The following FEM1C variants were observed in gnomAD, a reference collection of about 807,000 sequenced individuals.
FEM1C encodes fem-1 homolog C.
In FEM1C, 15 loss-of-function variants were observed where a neutral mutation model predicts 37.6. The ratio of observed to expected loss-of-function variants is 0.40; its 90% CI spans 0.27 to 0.61. The LOEUF is 0.61. FEM1C is among the 20% of genes least tolerant of loss of function. FEM1C has a pLI of 0.42. For synonymous variants in FEM1C, 287 were observed against 272.8 expected (o/e 1.05, Z -0.51); for missense variants, 532 against 749.7 (o/e 0.71, Z 3.39).
intron 1 of FEM1C, chr5:115,544,271 G>T: frequency 1.6e-6 from 1 of 613,948 alleles, no homozygotes; most frequent in Non-Finnish European, 1.9e-6. Flanking sequence ...CCCACCCCCC[G>T]CCAAGGGATG....
At chr5:115,544,414 G>A (rs1021464826) in intron 1 of FEM1C, 109 bp downstream of exon 1, 5 of 154,814 alleles carry the variant, frequency 3.2e-5, no homozygotes, top group Non-Finnish European at 7.1e-5. Context: ...GTGGCCTCCA[G>A]CCCGCTGCCC....
chr5:115,539,384 T>C (rs975328767), intron 2 of FEM1C, among the ~76,000 whole-genome samples: 1 of 152,038 alleles, frequency 6.6e-6, no homozygotes, highest in African/African-American at 2.4e-5. Context: ...AAGATGACTA[T>C]AACCATGAAG....
intron 2 of FEM1C, 64 bp downstream of exon 2, chr5:115,542,886 T>A (rs555355191): frequency 1.3e-6 from 2 of 1,550,376 alleles, no homozygotes; most frequent in African/African-American, 2.7e-5. Context: ...GTGCTTATAA[T>A]GATGTATCAA....
chr5:115,538,094 A>C (rs996271302), intron 2 of FEM1C, among the ~76,000 whole-genome samples: 5 of 152,086 alleles, frequency 3.3e-5, no homozygotes, highest in Admixed American at 6.6e-5. Flanking sequence ...TAGAAAACAA[A>C]AGGAAAGTAG....
In FEM1C at chr5:115,522,708, G is replaced by A. The variant is rs1753800960; in HGVS notation, c.*1600C>T. On this transcript the variant is annotated 3_prime_UTR_variant, in exon 3 of 3. Transcript: ENST00000274457. The stretch of plus-strand genomic sequence containing the variant: ...TGTCAACACAAAAATCCAAGTGAGT[G>A]ATCCAGCTCATTGAACTCACAGGTA... 1 of 152,372 alleles carries A rather than the reference G, an allele frequency of 6.6e-6. No homozygotes were observed. 9.4% of individuals were successfully genotyped at this position (152,372 alleles called of 1,614,324 possible). A position where few individuals can be genotyped will look rare whatever the true frequency, so the allele number is the denominator to read the frequency against.
rs191753179 is a variant in FEM1C at position 115,538,270 on chromosome 5, T to C, written c.544+4680A>G. 1.8e-3 allele frequency among the ~76,000 whole-genome samples: 277 copies of C among 152,152 alleles called. 1 individual carries two copies. The highest frequency in any genetic ancestry group is 6.3e-3 in the African/African-American group (260 of 41,540). ...AAACCCTTTTAATGCTAGCAATCCT[T>C]GCCACATGCCTACATGAATTTCTCC... On this transcript the variant is annotated intron_variant, in intron 2 of 2. Coordinates refer to ENST00000274457, the MANE Select transcript of FEM1C (RefSeq NM_020177.3).
chr5:115,534,442 T>G (rs954149360), intron 2 of FEM1C, among the ~76,000 whole-genome samples: 9 of 151,910 alleles, frequency 5.9e-5, no homozygotes, highest in African/African-American at 2.2e-4. Context: ...GCCTAAGAAT[T>G]ATCTGGGTCC....
chr5:115,528,460 C>T (rs898358499), intron 2 of FEM1C, among the ~76,000 whole-genome samples: 2 of 152,084 alleles, frequency 1.3e-5, no homozygotes, highest in African/African-American at 2.4e-5. Context: ...AAATTCCCCA[C>T]ACTTTGGGTT....
intron 2 of FEM1C, among the ~76,000 whole-genome samples, chr5:115,539,762 T>G (rs996963184): frequency 6.6e-6 from 1 of 152,104 alleles, no homozygotes; most frequent in South Asian, 2.1e-4. Context: ...TCTTGTCTTA[T>G]TGCTCTTTGT....
chr5:115,543,243 G>T lies in FEM1C; in HGVS notation c.251C>A (p.Ala84Asp), dbSNP rs969476339. The T allele has an allele frequency of 6.2e-7, 1 of 1,614,056 alleles. No individual in the cohort carries two copies. Among genetic ancestry groups the T allele is most frequent in the African/African-American group, 1.3e-5 (1 of 74,928 alleles). ...VNFDGETIEG[A>D]PPLWAASAAG... ...TGCAGAAGCGGCCCATAAAGGGGGA[G>T]CCCCCTCAATGGTTTCGCCATCAAA... The change falls in exon 2 of 3, where the codon GCT becomes GAT. Residue 84 changes from alanine to aspartate, a missense_variant. Physicochemically the swap from Ala to Asp is moderately radical, Grantham distance 126. Transcript: ENST00000274457.
In FEM1C at chr5:115,524,655, A is replaced by C; in HGVS notation, c.1507T>G (p.Cys503Gly). 1 of 1,569,872 alleles carries C rather than the reference A, an allele frequency of 6.4e-7. No homozygotes were observed. Among genetic ancestry groups the C allele is most frequent in the Non-Finnish European group, 8.6e-7 (1 of 1,160,832 alleles). Residue 503 changes from cysteine to glycine, a missense_variant, in exon 3 of 3, where the codon TGT (cysteine) becomes GGT (glycine). Cys to Gly is a radical substitution (Grantham distance 159). Coordinates refer to ENST00000274457, the MANE Select transcript of FEM1C (RefSeq NM_020177.3). ...GTAACTTGTAGAGATGGAAATTTACAAACAGGGTACCGCCCTACACATGTA... is the reference window on the plus strand; with the variant it reads ...GTAACTTGTAGAGATGGAAATTTACCAACAGGGTACCGCCCTACACATGTA... ...NTTCVGRYPV[C>G]KFPSLQVTAI... is the part of the protein sequence containing the mutation.
Position 115,541,578 on chromosome 5 carries a change from C to T in FEM1C, c.544+1372G>A, listed in dbSNP as rs777510410. Reference sequence around the variant, plus strand: ...TATACTACAGTTATTCTCACACAAGCGTGAAAAGACACATTTTTGTTCAAG... The same window carrying T: ...TATACTACAGTTATTCTCACACAAGTGTGAAAAGACACATTTTTGTTCAAG... On this transcript the variant is annotated intron_variant, in intron 2 of 2. Coordinates refer to ENST00000274457, the MANE Select transcript of FEM1C (RefSeq NM_020177.3). Among the ~76,000 whole-genome samples, 5 of 152,048 alleles carry T rather than the reference C, an allele frequency of 3.3e-5. No individual in the cohort carries two copies. The South Asian group carries it at 6.2e-4, about 19-fold the overall frequency.
chr5:115,537,195 T>G (rs1390907760), intron 2 of FEM1C, among the ~76,000 whole-genome samples: 1 of 152,064 alleles, frequency 6.6e-6, no homozygotes, highest in Non-Finnish European at 1.5e-5. Context: ...CATACATTCC[T>G]GCTGCCTCAA....
chr5:115,543,868 A>C (rs1444143356), intron 1 of FEM1C, 185 bp from the exon 2 acceptor site: 14 of 983,196 alleles, frequency 1.4e-5, no homozygotes, highest in African/African-American at 1.8e-5. Flanking sequence ...ATACACAGAG[A>C]CCCAAATGTT....
rs767302186 is a variant in FEM1C at position 115,525,240 on chromosome 5, G to C, written c.922C>G (p.Leu308Val). 1 of 1,613,466 alleles carries C rather than the reference G, an allele frequency of 6.2e-7. No homozygotes were observed. The highest frequency in any genetic ancestry group is 8.5e-7 in the Non-Finnish European group (1 of 1,179,770). The stretch of plus-strand genomic sequence containing the variant: ...TCAGGATCAGCAATAAGACCTTCTA[G>C]CTCTTCTGCACTGTTCACTTCCTTG... Reference protein sequence around the residue: ...YAKEVNSAEELEGLIADPDEM... With the variant: ...YAKEVNSAEEVEGLIADPDEM... The change falls in exon 3 of 3, where the codon CTA becomes GTA. Residue 308 changes from leucine to valine, a missense_variant. Leu to Val is a conservative substitution (Grantham distance 32). Transcript: ENST00000274457.
In FEM1C at chr5:115,520,943, G is replaced by A. The variant is rs573637951; in HGVS notation, c.*3365C>T. On this transcript the variant is annotated 3_prime_UTR_variant, in exon 3 of 3. Coordinates refer to ENST00000274457, the MANE Select transcript of FEM1C (RefSeq NM_020177.3). ...ATTTAATTTTATTAAACCTTACAAT[G>A]AATGTTGTGGCATATGATTTTCCAT... is the stretch of plus-strand genomic sequence containing the variant. 2 of 152,038 alleles carry A rather than the reference G, an allele frequency of 1.3e-5. No individual in the cohort carries two copies. Among genetic ancestry groups the A allele is most frequent in the South Asian group, 2.1e-4 (1 of 4,826 alleles). 9.4% of individuals were successfully genotyped at this position (152,038 alleles called of 1,614,324 possible). A position where few individuals can be genotyped will look rare whatever the true frequency, so the allele number is the denominator to read the frequency against.
At chr5:115,528,965 A>G (rs530143832) in intron 2 of FEM1C, among the ~76,000 whole-genome samples, 1 of 152,138 alleles carries the variant, frequency 6.6e-6, no homozygotes, top group Non-Finnish European at 1.5e-5. Context: ...ATAGAGAATT[A>G]GTAACTGGAA....
Position 115,521,029 on chromosome 5 carries a change from G to A in FEM1C, c.*3279C>T, listed in dbSNP as rs1012274596. 3.3e-5 allele frequency: 5 copies of A among 150,656 alleles called. No individual in the cohort carries two copies. The highest frequency in any genetic ancestry group is 1.9e-4 in the East Asian group (1 of 5,154). 9.3% of individuals were successfully genotyped at this position (150,656 alleles called of 1,614,324 possible). A position where few individuals can be genotyped will look rare whatever the true frequency, so the allele number is the denominator to read the frequency against. On this transcript the variant is annotated 3_prime_UTR_variant, in exon 3 of 3. Coordinates refer to ENST00000274457, the MANE Select transcript of FEM1C (RefSeq NM_020177.3). ...TACTTCTTTTGAAAAAATACACAATGGGAACTGACAAAAGGGAGAGAAACT... is the reference window on the plus strand; with the variant it reads ...TACTTCTTTTGAAAAAATACACAATAGGAACTGACAAAAGGGAGAGAAACT...
At chr5:115,543,989 A>C in intron 1 of FEM1C, 1 of 985,344 alleles carries the variant, frequency 1.0e-6, no homozygotes, top group Non-Finnish European at 1.2e-6. Context: ...TGCTTTGCAC[A>C]CGCCCAGGGA....
Sources: gnomAD v4.1 joint callset for allele counts (sites outside exome capture counted in the v4.1 genomes callset) on GRCh38, gnomAD v4.1.1 for gene constraint, MANE v1.5 for transcripts, NCBI Gene and HGNC (gene_info 2026-07-23, HGNC 2026-07-21) for gene names.